SIPA1L1: variants seen among roughly 807,000 people sequenced by gnomAD.
The protein encoded by SIPA1L1 is signal-induced proliferation-associated 1-like protein 1.
Under a neutral mutation model 162.7 loss-of-function variants are expected in SIPA1L1, and 26 were observed. The ratio of observed to expected loss-of-function variants is 0.16; its 90% confidence interval spans 0.12 to 0.22. SIPA1L1 has a LOEUF of 0.22. Ranked by LOEUF, SIPA1L1 falls within the 10% of genes least tolerant of loss-of-function variation. The probability of loss-of-function intolerance (pLI) is 1.00; values close to 1 mark genes in which losing one functional copy is unlikely to be tolerated. For synonymous variants in SIPA1L1, 829 were observed against 837.4 expected, an observed-to-expected ratio of 0.99 and a Z score of 0.17; for missense variants, 1,874 against 2,241.0, an observed-to-expected ratio of 0.84 and a Z score of 3.31.
chr14:71,428,452 T>G (rs1022506390), intron 2 of SIPA1L1, among the ~76,000 whole-genome samples: 5 of 151,978 alleles, frequency 3.3e-5, no homozygotes, highest in African/African-American at 1.2e-4. Context: ...CAATCTGATG[T>G]GTAAATTTAA....
At chr14:71,457,321 ATGGAGTCTCGCTCTTTTGCCCAGGC>A (rs1168978663) in intron 2 of SIPA1L1, among the ~76,000 whole-genome samples, 1 of 146,458 alleles carries the variant, frequency 6.8e-6, no homozygotes, top group African/African-American at 2.5e-5. Context: ...TTTTTTTGAG[ATGGAGTCTCGCTCTTTTGCCCAGGC>A]TGGAGTGCAG....
chr14:71,740,647 C>T lies in SIPA1L1; in HGVS notation c.*1486C>T, dbSNP rs1347388158. ...GATGGATTTTCCTCTCTTCTCCCTG[C>T]TACATTCACTACCAGATTTTTATGC... On this transcript the variant is annotated 3_prime_UTR_variant, in exon 24 of 24. Coordinates refer to ENST00000381232, the MANE Select transcript of SIPA1L1 (RefSeq NM_001386936.1). 1 of 152,180 alleles carries T rather than the reference C, an allele frequency of 6.6e-6. No homozygotes were observed. The highest frequency in any genetic ancestry group is 1.5e-5 in the Non-Finnish European group (1 of 68,030). The allele number at this position is 152,180 out of a possible 1,614,324, so 9.4% of individuals were successfully genotyped here. A position where few individuals can be genotyped will look rare whatever the true frequency, so the allele number is the denominator to read the frequency against.
chr14:71,455,975 A>G (rs1244655247), intron 2 of SIPA1L1, among the ~76,000 whole-genome samples: 2 of 152,248 alleles, frequency 1.3e-5, no homozygotes, highest in East Asian at 1.9e-4. Flanking sequence ...TCTTTCATTT[A>G]CTATTGTGTT....
At chr14:71,387,248 CAAAAAA>C (rs398025583) in intron 2 of SIPA1L1, among the ~76,000 whole-genome samples, 1,065 of 53,790 alleles carry the variant, frequency 0.02, 7 homozygotes, top group African/African-American at 0.085. Flanking sequence ...AACTCTGTCT[CAAAAAA>C]AAAAAAAAAA....
chr14:71,370,687 G>T (rs376821469), intron 2 of SIPA1L1, among the ~76,000 whole-genome samples: 1 of 152,130 alleles, frequency 6.6e-6, no homozygotes, highest in East Asian at 1.9e-4. Flanking sequence ...AAGTTGAAGC[G>T]TTTAGAAATG....
At chr14:71,581,537 C>G (rs1378169222) in intron 4 of SIPA1L1, among the ~76,000 whole-genome samples, 7 of 152,182 alleles carry the variant, frequency 4.6e-5, no homozygotes, top group Non-Finnish European at 8.8e-5. Context: ...TCACATTCCT[C>G]TTTCCCCAGA....
At chr14:71,487,260 C>T (rs2048845001) in intron 2 of SIPA1L1, among the ~76,000 whole-genome samples, 1 of 152,128 alleles carries the variant, frequency 6.6e-6, no homozygotes, top group African/African-American at 2.4e-5. Context: ...CTCAGGTGCT[C>T]CTGGCTGGTT....
At chr14:71,679,070 C>T (rs1206248666) in intron 12 of SIPA1L1, among the ~76,000 whole-genome samples, 3 of 152,042 alleles carry the variant, frequency 2.0e-5, no homozygotes, top group East Asian at 1.9e-4. Flanking sequence ...CATTCATATT[C>T]AGGAAATACA....
At chr14:71,497,191 A>G (rs2049856452) in intron 2 of SIPA1L1, among the ~76,000 whole-genome samples, 1 of 144,562 alleles carries the variant, frequency 6.9e-6, no homozygotes, top group Admixed American at 6.9e-5. Flanking sequence ...AAACAAAAAA[A>G]CAAAAAAAAA....
chr14:71,673,609 G>A (rs1043285062), intron 12 of SIPA1L1, among the ~76,000 whole-genome samples: 2 of 152,148 alleles, frequency 1.3e-5, no homozygotes, highest in Admixed American at 6.5e-5. Flanking sequence ...GTGTGCGTGT[G>A]TGTGTTTTAT....
chr14:71,362,105 G>A (rs781625736), intron 2 of SIPA1L1, among the ~76,000 whole-genome samples: 16 of 152,196 alleles, frequency 1.1e-4, no homozygotes, highest in Non-Finnish European at 2.9e-5. Context: ...CATGTGGCTG[G>A]GGAAGAGATG....
chr14:71,580,676 C>T (rs1308273716), intron 4 of SIPA1L1, among the ~76,000 whole-genome samples: 1 of 152,128 alleles, frequency 6.6e-6, no homozygotes, highest in African/African-American at 2.4e-5. Context: ...GACCTGACAT[C>T]TGTTGGATTT....
intron 2 of SIPA1L1, among the ~76,000 whole-genome samples, chr14:71,390,831 T>G (rs2141341634): frequency 6.6e-6 from 1 of 152,194 alleles, no homozygotes; most frequent in African/African-American, 2.4e-5. Flanking sequence ...AGGAATCTGC[T>G]TGCGTGTCCC....
intron 12 of SIPA1L1, among the ~76,000 whole-genome samples, chr14:71,683,948 CTGTGTCCCAG>C (rs2046037109): frequency 6.6e-6 from 1 of 152,156 alleles, no homozygotes; most frequent in South Asian, 2.1e-4. Flanking sequence ...TATGGTGGTG[CTGTGTCCCAG>C]TGTGAAATGT....
At chr14:71,569,258 C>T (rs773972674) in intron 4 of SIPA1L1, among the ~76,000 whole-genome samples, 24 of 152,238 alleles carry the variant, frequency 1.6e-4, no homozygotes, top group Admixed American at 9.8e-4. Flanking sequence ...AATTTAGTGA[C>T]GTGAAAAGAG....
chr14:71,686,360 T>C (rs1410369761), intron 13 of SIPA1L1, among the ~76,000 whole-genome samples: 1 of 152,196 alleles, frequency 6.6e-6, no homozygotes, highest in African/African-American at 2.4e-5. Context: ...TGCAGCACTT[T>C]GAACTAGAGT....
chr14:71,657,430 T>C (rs2043162459), intron 8 of SIPA1L1, among the ~76,000 whole-genome samples: 1 of 151,798 alleles, frequency 6.6e-6, no homozygotes, highest in Non-Finnish European at 1.5e-5. Flanking sequence ...TTGCAACCCC[T>C]AAGTCCAGAT....
chr14:71,652,688 T>G (rs1470100866), intron 8 of SIPA1L1, among the ~76,000 whole-genome samples: 2 of 152,010 alleles, frequency 1.3e-5, no homozygotes, highest in Non-Finnish European at 2.9e-5. Context: ...TAATTTCTAT[T>G]AATATATCTT....
At position 71,733,584 on chromosome 14, in the gene SIPA1L1, T is replaced by C. The variant is rs544178548; in HGVS notation, c.4862-82T>C. The C allele has an allele frequency of 1.9e-5, 26 of 1,381,126 alleles. No homozygotes were observed. The Admixed American group carries it at 3.5e-4, about 18-fold the overall frequency. 85.6% of individuals were successfully genotyped at this position (1,381,126 alleles called of 1,614,324 possible). ...ACAGTCACAAATGGCTTACAATCTA[T>C]TGTGGTAACAGGAAAGAGGTAAGTT... On this transcript the variant is annotated intron_variant, in intron 20 of 23. Transcript: ENST00000381232.
Sources: gnomAD v4.1 joint callset for allele counts (sites outside exome capture counted in the v4.1 genomes callset) on GRCh38, gnomAD v4.1.1 for gene constraint, MANE v1.5 for transcripts, NCBI Gene and HGNC (gene_info 2026-07-23, HGNC 2026-07-21) for gene names.